Variants in NT5C2 observed in about 807,000 individuals in gnomAD.
The protein encoded by NT5C2 is 5'-nucleotidase, cytosolic II, also known as cytosolic purine 5'-nucleotidase.
In NT5C2, 58 loss-of-function variants were observed where a neutral mutation model predicts 76.1. The observed-to-expected ratio is 0.76, with a 90% CI of 0.62 to 0.95. NT5C2 has a LOEUF of 0.95. Among genes scored for constraint, NT5C2 ranks in the 40% least tolerant of loss-of-function variants. The pLI, the probability that NT5C2 is intolerant of heterozygous loss-of-function variation, is 0.00. For missense variants in NT5C2, 478 were observed against 690.3 expected (o/e 0.69, Z 3.45); for synonymous variants, 229 against 237.4 (o/e 0.96, Z 0.32).
In NT5C2 at chr10:103,088,987, GT is replaced by G. The variant is rs34136949; in HGVS notation, c.*684del. ...ATTTATCACAGATAAGAAGGAGGTT[GT>G]TTTTGGATAACAAATAAGCATTTGT... On this transcript the variant is annotated 3_prime_UTR_variant, in exon 19 of 19. Transcript: ENST00000404739. The G allele has an allele frequency of 9.6e-6, 2 of 209,412 alleles. No homozygotes were observed. The highest frequency in any genetic ancestry group is 1.9e-5 in the Non-Finnish European group (2 of 102,960). The allele number at this position is 209,412 out of a possible 1,614,324, so 13.0% of individuals were successfully genotyped here. A position where few individuals can be genotyped will look rare whatever the true frequency, so the allele number is the denominator to read the frequency against.
intron 4 of NT5C2, among the ~76,000 whole-genome samples, chr10:103,115,920 T>A (rs2074236179): frequency 6.6e-6 from 1 of 152,124 alleles, no homozygotes. Flanking sequence ...GATAATGCAC[T>A]GAAGTATTAT....
chr10:103,175,756 T>A (rs1365867219), intron 2 of NT5C2: 1 of 273,124 alleles, frequency 3.7e-6, no homozygotes. Context: ...TGAGCCAGCA[T>A]CCCCTATCCA....
intron 2 of NT5C2, among the ~76,000 whole-genome samples, chr10:103,179,496 G>T (rs2090686680): frequency 6.6e-6 from 1 of 151,290 alleles, no homozygotes; most frequent in South Asian, 2.1e-4. Flanking sequence ...AACAACAACT[G>T]CACCCAAGTA....
chr10:103,145,381 C>CTA (rs1262472188), intron 3 of NT5C2, among the ~76,000 whole-genome samples: 3 of 152,242 alleles, frequency 2.0e-5, no homozygotes, highest in African/African-American at 7.2e-5. Context: ...CTAAAAGGTA[C>CTA]TATATCAATT....
At chr10:103,192,335 G>T (rs889169565) in intron 1 of NT5C2, among the ~76,000 whole-genome samples, 1 of 152,078 alleles carries the variant, frequency 6.6e-6, no homozygotes, top group African/African-American at 2.4e-5. Context: ...TTCAGAGCAC[G>T]ACCCCCCTCA....
chr10:103,120,401 T>C (rs1023812114), intron 4 of NT5C2, among the ~76,000 whole-genome samples: 1 of 152,218 alleles, frequency 6.6e-6, no homozygotes, highest in Non-Finnish European at 1.5e-5. Context: ...GAGGGATTAA[T>C]ATCCAGAATA....
intron 4 of NT5C2, among the ~76,000 whole-genome samples, chr10:103,126,271 G>A (rs1385595553): frequency 2.0e-5 from 3 of 152,162 alleles, no homozygotes; most frequent in Non-Finnish European, 4.4e-5. Context: ...AAAGAACGTC[G>A]CTAAAGTAAT....
chr10:103,147,659 C>T (rs1315395456), intron 3 of NT5C2, among the ~76,000 whole-genome samples: 1 of 152,154 alleles, frequency 6.6e-6, no homozygotes, highest in African/African-American at 2.4e-5. Flanking sequence ...TGGTAGTTCT[C>T]TTATTCTTTA....
At chr10:103,156,478 C>G (rs1310132589) in intron 3 of NT5C2, among the ~76,000 whole-genome samples, 2 of 152,068 alleles carry the variant, frequency 1.3e-5, no homozygotes, top group South Asian at 4.1e-4. Context: ...CAAGGGGCCA[C>G]GTGCCGTGGC....
intron 3 of NT5C2, among the ~76,000 whole-genome samples, chr10:103,142,487 A>G (rs912940920): frequency 1.3e-5 from 2 of 151,988 alleles, no homozygotes; most frequent in African/African-American, 4.8e-5. Flanking sequence ...CCTAGGCAAC[A>G]TGGCAAAACC....
intron 8 of NT5C2, chr10:103,100,661 AC>A: frequency 2.1e-6 from 1 of 474,048 alleles, no homozygotes; most frequent in Non-Finnish European, 4.2e-6. Context: ...AAATTAAATT[AC>A]CATCCCTGAA....
chr10:103,146,280 T>G, intron 3 of NT5C2: 1 of 985,432 alleles, frequency 1.0e-6, no homozygotes, highest in African/African-American at 1.7e-5. Flanking sequence ...CCATTTGGAA[T>G]AGAATTTCTT....
chr10:103,122,384 GA>G (rs1277282978), intron 4 of NT5C2, among the ~76,000 whole-genome samples: 2 of 152,184 alleles, frequency 1.3e-5, no homozygotes, highest in Non-Finnish European at 2.9e-5. Flanking sequence ...CATTTGGGGG[GA>G]AAAAATTAAG....
intron 3 of NT5C2, among the ~76,000 whole-genome samples, chr10:103,162,173 G>A (rs1416860352): frequency 4.6e-5 from 7 of 151,974 alleles, no homozygotes; most frequent in Admixed American, 1.3e-4. Flanking sequence ...GCACCACCAC[G>A]CCCAGCAAAT....
At chr10:103,173,815 G>C (rs1480771323) in intron 3 of NT5C2, among the ~76,000 whole-genome samples, 1 of 151,726 alleles carries the variant, frequency 6.6e-6, no homozygotes, top group African/African-American at 2.4e-5. Context: ...TCATTCCTGG[G>C]CTGGGTGCGG....
intron 4 of NT5C2, among the ~76,000 whole-genome samples, chr10:103,133,642 G>T (rs763128115): frequency 5.3e-5 from 8 of 152,164 alleles, no homozygotes; most frequent in Non-Finnish European, 1.2e-4. Flanking sequence ...TAGTAAATTG[G>T]TACCAGTAGA....
intron 3 of NT5C2, chr10:103,153,401 A>T: frequency 1.7e-6 from 2 of 1,161,620 alleles, no homozygotes; most frequent in South Asian, 3.4e-5. Context: ...AAGCACAGAG[A>T]ACTCAGGCCC....
chr10:103,167,188 G>A (rs866189563), intron 3 of NT5C2, among the ~76,000 whole-genome samples: 7 of 151,612 alleles, frequency 4.6e-5, no homozygotes, highest in Non-Finnish European at 8.8e-5. Context: ...GCTAATTTTT[G>A]TATTCTTTAA....
intron 1 of NT5C2, among the ~76,000 whole-genome samples, chr10:103,185,710 G>C (rs976541925): frequency 7.3e-6 from 1 of 136,490 alleles, no homozygotes; most frequent in African/African-American, 2.7e-5. Context: ...TTTCAGGAAA[G>C]AACTCATTCT....
Sources: allele counts gnomAD v4.1 joint callset (sites outside exome capture counted in the v4.1 genomes callset), GRCh38; gene constraint gnomAD v4.1.1; transcripts MANE v1.5; gene names NCBI Gene and HGNC (gene_info 2026-07-23, HGNC 2026-07-21).